ASXL3: variants seen among roughly 807,000 people sequenced by gnomAD.
ASXL3 encodes putative Polycomb group protein ASXL3.
ASXL3 carries 34 observed loss-of-function variants against 170.6 expected under a neutral mutation model. The observed-to-expected ratio is 0.20, with a 90% CI of 0.15 to 0.27. The LOEUF (loss-of-function observed/expected upper bound fraction) is 0.27, where lower values mean the gene tolerates loss of function less well. ASXL3 is among the 10% of genes least tolerant of loss of function. ASXL3 has a pLI of 1.00. For synonymous variants in ASXL3, 1,002 were observed against 989.1 expected (o/e 1.01, Z -0.24); for missense variants, 2,592 against 2,695.3 (o/e 0.96, Z 0.85).
At chr18:33,697,552 T>C (rs1436745428) in intron 8 of ASXL3, among the ~76,000 whole-genome samples, 1 of 152,100 alleles carries the variant, frequency 6.6e-6, no homozygotes, top group East Asian at 1.9e-4. Flanking sequence ...CAGTTTATAG[T>C]GAAGTCTTCC....
rs764709254 is a variant in ASXL3, at chr18:33,740,370, G to A, written c.2966G>A (p.Arg989Gln). 1.3e-5 allele frequency: 21 copies of A among 1,609,636 alleles called. No homozygotes were observed. The highest frequency in any genetic ancestry group is 6.8e-5 in the Admixed American group (4 of 59,128). ...AGGATAGAAGATGATCAGTCAACCC[G>A]GAACATATCATCTAGCAGCCCACCT... ...RARIEDDQST[R>Q]NISSSSPPEK... Residue 989 changes from arginine to glutamine, a missense_variant, in exon 11 of 12, where the codon CGG (arginine) becomes CAG (glutamine). By Grantham distance (43) the Arg-to-Gln change is conservative. Transcript: ENST00000269197.
At chr18:33,735,793 T>A (rs879288816) in intron 10 of ASXL3, among the ~76,000 whole-genome samples, 131 of 152,186 alleles carry the variant, frequency 8.6e-4, no homozygotes, top group Admixed American at 4.0e-3. Context: ...ATAGACCCAT[T>A]CTTTTATTAA....
At chr18:33,604,274 A>C (rs948144116) in intron 1 of ASXL3, among the ~76,000 whole-genome samples, 2 of 152,066 alleles carry the variant, frequency 1.3e-5, no homozygotes, top group African/African-American at 4.8e-5. Flanking sequence ...TATATGTATT[A>C]GCAATAGAAC....
chr18:33,690,817 C>G (rs1362473116), intron 8 of ASXL3, among the ~76,000 whole-genome samples: 1 of 152,168 alleles, frequency 6.6e-6, no homozygotes, highest in Non-Finnish European at 1.5e-5. Context: ...CAGGCTGTGA[C>G]TCTTGATGAC....
intron 4 of ASXL3, among the ~76,000 whole-genome samples, chr18:33,649,951 C>T (rs2065972286): frequency 6.6e-6 from 1 of 152,078 alleles, no homozygotes; most frequent in Non-Finnish European, 1.5e-5. Flanking sequence ...GCCATGTGTG[C>T]ACTCAAGAGT....
chr18:33,650,421 C>A (rs1014444926), intron 4 of ASXL3, among the ~76,000 whole-genome samples: 1 of 152,040 alleles, frequency 6.6e-6, no homozygotes, highest in African/African-American at 2.4e-5. Context: ...AGGCTACCAC[C>A]TGAGAGCATT....
At chr18:33,585,410 A>C (rs2065026786) in intron 1 of ASXL3, among the ~76,000 whole-genome samples, 1 of 152,168 alleles carries the variant, frequency 6.6e-6, no homozygotes, top group Non-Finnish European at 1.5e-5. Flanking sequence ...CGTTGTTTTC[A>C]TTATTAAACA....
intron 8 of ASXL3, among the ~76,000 whole-genome samples, chr18:33,724,746 G>A (rs2067319099): frequency 6.6e-6 from 1 of 152,042 alleles, no homozygotes; most frequent in Non-Finnish European, 1.5e-5. Context: ...ATGGAAGACT[G>A]CATTTCTTTT....
At chr18:33,695,450 G>T (rs1044700412) in intron 8 of ASXL3, among the ~76,000 whole-genome samples, 1 of 152,060 alleles carries the variant, frequency 6.6e-6, no homozygotes, top group African/African-American at 2.4e-5. Context: ...GGTGGGTATG[G>T]AGGTATATAT....
intron 7 of ASXL3, among the ~76,000 whole-genome samples, chr18:33,676,205 C>CA (rs1294270209): frequency 6.6e-5 from 4 of 60,472 alleles, no homozygotes; most frequent in Admixed American, 2.6e-4. Flanking sequence ...GCCTGGGTGA[C>CA]GAGCGAGACT....
intron 8 of ASXL3, among the ~76,000 whole-genome samples, chr18:33,704,557 G>T (rs894327687): frequency 6.6e-6 from 1 of 152,136 alleles, no homozygotes; most frequent in Non-Finnish European, 1.5e-5. Context: ...TTAATGAGTA[G>T]ATATAGTGCC....
rs2067588424 is a variant in ASXL3, at chr18:33,738,569, A to T, written c.1165A>T (p.Thr389Ser). 6.2e-7 allele frequency: 1 copy of T among 1,613,720 alleles called. No homozygotes were observed. The highest frequency in any genetic ancestry group is 1.3e-5 in the African/African-American group (1 of 74,928). Residue 389 changes from threonine (T) to serine (S), a missense_variant, in exon 11 of 12, where the codon ACT (threonine) becomes TCT (serine). By Grantham distance (58) the Thr-to-Ser change is moderately conservative (BLOSUM62 1). Around this residue, in one of 4 missense-constraint regions of ASXL3, gnomAD observed 2,246 missense variants for 2,219.6 expected, o/e 1.01. Transcript: ENST00000269197. ...AGAQSSSSCGTSGLPVSAQTA... is the reference protein window; with the variant it reads ...AGAQSSSSCGSSGLPVSAQTA... ...AGCTCAAAGTAGTTCTTCATGTGGGACTTCTGGCCTTCCAGTTTCTGCACA... is the reference window on the plus strand; with the variant it reads ...AGCTCAAAGTAGTTCTTCATGTGGGTCTTCTGGCCTTCCAGTTTCTGCACA...
intron 1 of ASXL3, among the ~76,000 whole-genome samples, chr18:33,589,590 A>G (rs906780828): frequency 6.6e-6 from 1 of 152,186 alleles, no homozygotes; most frequent in Non-Finnish European, 1.5e-5. Context: ...CAAGATAACT[A>G]TTGTCTAGTA....
intron 1 of ASXL3, among the ~76,000 whole-genome samples, chr18:33,584,054 A>G (rs950866287): frequency 4.6e-5 from 7 of 152,182 alleles, no homozygotes; most frequent in African/African-American, 1.7e-4. Flanking sequence ...ACAGATTTAC[A>G]GAAGGGAAAA....
chr18:33,587,602 A>T (rs891306121), intron 1 of ASXL3, among the ~76,000 whole-genome samples: 5 of 152,152 alleles, frequency 3.3e-5, no homozygotes, highest in Non-Finnish European at 7.4e-5. Flanking sequence ...AAGTTAGAAA[A>T]TAAAAGGATG....
intron 2 of ASXL3, among the ~76,000 whole-genome samples, chr18:33,613,703 G>T (rs1025890873): frequency 3.3e-5 from 5 of 152,190 alleles, no homozygotes; most frequent in Admixed American, 3.3e-4. Context: ...AGGATTACTT[G>T]AGCCCAGGAG....
intron 1 of ASXL3, among the ~76,000 whole-genome samples, chr18:33,582,469 T>G (rs987232253): frequency 6.6e-6 from 1 of 152,214 alleles, no homozygotes; most frequent in Non-Finnish European, 1.5e-5. Context: ...TTTGATATCT[T>G]CATCACTTTG....
chr18:33,610,318 C>A (rs2065315027), intron 2 of ASXL3, among the ~76,000 whole-genome samples: 1 of 151,838 alleles, frequency 6.6e-6, no homozygotes, highest in African/African-American at 2.4e-5. Context: ...TGGTAATATG[C>A]CTGATTAAAT....
intron 8 of ASXL3, among the ~76,000 whole-genome samples, chr18:33,730,298 C>G (rs73955193): frequency 0.063 from 9,544 of 152,184 alleles, 428 homozygotes; most frequent in African/African-American, 0.13. Context: ...AAACCCTGCT[C>G]TAATAGAAGT....
Sources: gnomAD v4.1 joint callset for allele counts (sites outside exome capture counted in the v4.1 genomes callset) on GRCh38, gnomAD v4.1.1 for gene constraint, gnomAD v4.1.1 regional missense constraint, MANE v1.5 for transcripts, NCBI Gene and HGNC (gene_info 2026-07-23, HGNC 2026-07-21) for gene names.